Variants in MACF1 observed in about 807,000 individuals in gnomAD.
MACF1 encodes microtubule actin crosslinking factor 1.
In MACF1, 193 loss-of-function variants were observed where a neutral mutation model predicts 854.8. That is an observed-to-expected ratio of 0.23 (90% confidence interval 0.20 to 0.25). The LOEUF (loss-of-function observed/expected upper bound fraction) is 0.25. MACF1 is among the 10% of genes least tolerant of loss of function. The pLI, the probability that MACF1 is intolerant of heterozygous loss-of-function variation, is 1.00. For missense variants in MACF1, 7,722 were observed against 8,929.1 expected (o/e 0.86, Z 5.45); for synonymous variants, 3,185 against 3,226.7 (o/e 0.99, Z 0.44).
Position 39,105,756 on chromosome 1 carries a change from C to A in MACF1, c.220+21318C>A. 2 of 1,099,262 alleles carry A rather than the reference C, an allele frequency of 1.8e-6. No individual in the cohort carries two copies. 68.1% of individuals were successfully genotyped at this position (1,099,262 alleles called of 1,614,324 possible). A position where few individuals can be genotyped will look rare whatever the true frequency, so the allele number is the denominator to read the frequency against. ...CTGGCCGGCGCTGAGGCCCGCGGGC[C>A]GGCGCAGCGTGGCCTTCGGAGCCGG... On this transcript the variant is annotated intron_variant, in intron 2 of 93. Coordinates refer to the MACF1 transcript ENST00000361689. This position sits in a 1 kb window ranked among gnomAD's most constrained non-coding sequence, Gnocchi z 5.9.
At chr1:39,181,476 T>C (rs2148234186) in intron 2 of MACF1, among the ~76,000 whole-genome samples, 1 of 152,286 alleles carries the variant, frequency 6.6e-6, no homozygotes, top group South Asian at 2.1e-4. Flanking sequence ...TCTTCTTCTT[T>C]CTTCTCCTCC....
intron 18 of MACF1, among the ~76,000 whole-genome samples, chr1:39,293,906 A>T (rs1032421481): frequency 6.6e-6 from 1 of 152,088 alleles, no homozygotes; most frequent in African/African-American, 2.4e-5. Flanking sequence ...TGTGGTTAAG[A>T]TTATAGGCTT....
In MACF1 at chr1:39,357,509, G is replaced by A; in HGVS notation, c.11559G>A (p.Glu3853=). 3.1e-6 allele frequency: 5 copies of A among 1,614,170 alleles called. No individual in the cohort carries two copies. Among genetic ancestry groups the A allele is most frequent in the Non-Finnish European group, 4.2e-6 (5 of 1,180,030 alleles). The change falls in exon 45 of 101, where the codon GAG becomes GAA. Residue 3853 remains glutamate, a synonymous_variant. Coordinates refer to ENST00000564288, the MANE Select transcript of MACF1 (RefSeq NM_001394062.1). The part of the protein sequence containing the change: ...EQQMLQQKLG[E]LKEQYSTSLA... ...AGATGCTGCAACAGAAGCTGGGAGA[G>A]CTAAAGGAACAATACTCTACTTCCC...
Position 39,388,076 on chromosome 1 carries a change from A to G in MACF1, c.15234A>G (p.Glu5078=). Residue 5078 remains glutamate, a synonymous_variant, in exon 58 of 101, where the codon GAA becomes GAG. Transcript: ENST00000564288. The stretch of plus-strand genomic sequence containing the variant: ...GGAACTTTACTCAGGGTCTGGTAGA[A>G]GATGCCCCAGATGGATCTGATGCTT... The part of the protein sequence containing the change: ...YLRNFTQGLV[E]DAPDGSDASQ... 1 of 1,614,122 alleles carries G rather than the reference A, an allele frequency of 6.2e-7. No individual in the cohort carries two copies. Among genetic ancestry groups the G allele is most frequent in the Non-Finnish European group, 8.5e-7 (1 of 1,180,026 alleles).
At chr1:39,290,443 A>G (rs1645751424) in intron 15 of MACF1, among the ~76,000 whole-genome samples, 3 of 152,128 alleles carry the variant, frequency 2.0e-5, no homozygotes, top group African/African-American at 7.2e-5. Context: ...GCTCTGCAGT[A>G]TAATTTGAAG....
intron 2 of MACF1, among the ~76,000 whole-genome samples, chr1:39,148,383 CT>C (rs2148192901): frequency 6.6e-6 from 1 of 152,226 alleles, no homozygotes; most frequent in African/African-American, 2.4e-5. Context: ...CTCCCCTCCC[CT>C]TTTTACTTCA....
chr1:39,388,611 G>C lies in MACF1; in HGVS notation c.15769G>C (p.Val5257Leu), dbSNP rs372543301. The C allele has an allele frequency of 5.0e-5, 80 of 1,600,040 alleles. No individual in the cohort carries two copies. Among genetic ancestry groups the C allele is most frequent in the Middle Eastern group, 3.3e-4 (2 of 5,994 alleles). ...AEEAEALQWV[V>L]GTEVEIINQQ... ...GGAGGCAGAGGCCCTCCAGTGGGTAGTGGGGACCGAAGTGGAAATCATCAA... is the reference window on the plus strand; with the variant it reads ...GGAGGCAGAGGCCCTCCAGTGGGTACTGGGGACCGAAGTGGAAATCATCAA... The change falls in exon 58 of 101, where the codon GTG becomes CTG. Residue 5257 changes from valine to leucine, a missense_variant. By Grantham distance (32) the Val-to-Leu change is conservative (BLOSUM62 1). Around this residue, in one of 15 missense-constraint regions of MACF1, gnomAD observed 2,807 missense variants for 3,235.8 expected, o/e 0.87. Coordinates refer to ENST00000564288, the MANE Select transcript of MACF1 (RefSeq NM_001394062.1).
rs1290150169 is a variant in MACF1 at position 39,486,694 on chromosome 1, A to G, written c.*900A>G. ...TGAATTCCACGAGCCTGTTCTGAAAATGTGGACGTAAGACAAACACGTGCT... is the reference window on the plus strand; with the variant it reads ...TGAATTCCACGAGCCTGTTCTGAAAGTGTGGACGTAAGACAAACACGTGCT... On this transcript the variant is annotated 3_prime_UTR_variant, in exon 101 of 101. Coordinates refer to ENST00000564288, the MANE Select transcript of MACF1 (RefSeq NM_001394062.1). The G allele has an allele frequency of 6.6e-6, 1 of 152,638 alleles. No homozygotes were observed. Among genetic ancestry groups the G allele is most frequent in the African/African-American group, 2.4e-5 (1 of 41,458 alleles). The allele number at this position is 152,638 out of a possible 1,614,324, so 9.5% of individuals were successfully genotyped here. A position where few individuals can be genotyped will look rare whatever the true frequency, so the allele number is the denominator to read the frequency against.
chr1:39,166,192 C>T (rs1352717991), intron 2 of MACF1, among the ~76,000 whole-genome samples: 12 of 151,260 alleles, frequency 7.9e-5, no homozygotes, highest in Non-Finnish European at 1.3e-4. Flanking sequence ...GTCAGCCTCC[C>T]GAGTAGCTGG....
At chr1:39,087,122 AG>A (rs1265321629) in intron 2 of MACF1, among the ~76,000 whole-genome samples, 1 of 152,216 alleles carries the variant, frequency 6.6e-6, no homozygotes, top group Non-Finnish European at 1.5e-5. Context: ...CAGGAGGTGC[AG>A]GGGGGCATGT....
intron 2 of MACF1, among the ~76,000 whole-genome samples, chr1:39,109,012 G>T (rs748335995): frequency 6.6e-6 from 1 of 152,160 alleles, no homozygotes; most frequent in Non-Finnish European, 1.5e-5. Context: ...TGCACAGAGG[G>T]TTACAAGTGA....
chr1:39,332,023 G>A lies in MACF1; in HGVS notation c.5435G>A (p.Gly1812Asp), dbSNP rs1646736363. ...CTCATAAGGCAGCTTCAGACAGGAG[G>A]CATCATAGACACTGTCACGGGGCAA... ...AILIRQLQTG[G>D]IIDTVTGQRL... Residue 1812 changes from glycine to aspartate, a missense_variant, in exon 37 of 101, where the codon GGC becomes GAC. Coordinates refer to ENST00000564288, the MANE Select transcript of MACF1 (RefSeq NM_001394062.1). 1.9e-6 allele frequency: 3 copies of A among 1,613,878 alleles called. No homozygotes were observed. The highest frequency in any genetic ancestry group is 1.3e-5 in the African/African-American group (1 of 74,880).
At chr1:39,186,206 CTCTCTCTCTGTGTGTGTGTG>C (rs1438662854) in intron 2 of MACF1, among the ~76,000 whole-genome samples, 1 of 57,850 alleles carries the variant, frequency 1.7e-5, no homozygotes, top group African/African-American at 6.7e-5. Context: ...CTCTCTCTCT[CTCTCTCTCTGTGTGTGTGTG>C]TGTGTGTGTG....
intron 2 of MACF1, among the ~76,000 whole-genome samples, chr1:39,159,838 G>A (rs1380083598): frequency 6.6e-6 from 1 of 152,158 alleles, no homozygotes; most frequent in African/African-American, 2.4e-5. Flanking sequence ...GAGAGTGGGA[G>A]GGGGTAGAGG....
chr1:39,214,726 T>G (rs1293000401), intron 1 of MACF1, among the ~76,000 whole-genome samples: 1 of 152,160 alleles, frequency 6.6e-6, no homozygotes, highest in Non-Finnish European at 1.5e-5. Context: ...AGGGAAACTT[T>G]CTTTGGAATC....
chr1:39,294,524 G>C (rs1156972663), intron 18 of MACF1, among the ~76,000 whole-genome samples: 1 of 152,210 alleles, frequency 6.6e-6, no homozygotes, highest in Admixed American at 6.5e-5. Context: ...TAAACAGGCT[G>C]TGTGAGAACT....
intron 58 of MACF1, among the ~76,000 whole-genome samples, chr1:39,389,376 T>TG (rs57290627): frequency 1.4e-5 from 2 of 139,902 alleles, no homozygotes; most frequent in African/African-American, 2.9e-5. Flanking sequence ...TTTTTTTTTT[T>TG]GGAGACAGAG....
chr1:39,455,733 G>A (rs1345026240), intron 89 of MACF1, among the ~76,000 whole-genome samples: 2 of 152,086 alleles, frequency 1.3e-5, no homozygotes, highest in Non-Finnish European at 2.9e-5. Context: ...ATTATACCTG[G>A]TTCAGAAAGC....
In MACF1 at chr1:39,285,635, T is replaced by C; in HGVS notation, c.1385T>C (p.Val462Ala). The C allele has an allele frequency of 6.2e-7, 1 of 1,614,080 alleles. No homozygotes were observed. Among genetic ancestry groups the C allele is most frequent in the Non-Finnish European group, 8.5e-7 (1 of 1,180,008 alleles). The stretch of plus-strand genomic sequence containing the variant: ...GCTCACCTGGAATCAGGACAACCGG[T>C]ACAATGTGAGTCAGATGTCATTATG... ...DAAHLESGQP[V>A]QCESDVIMYI... The change falls in exon 14 of 101, where the codon GTA (valine) becomes GCA (alanine). Residue 462 changes from valine (V) to alanine (A), a missense_variant. By Grantham distance (64) the Val-to-Ala change is moderately conservative. Around this residue, in one of 15 missense-constraint regions of MACF1, gnomAD observed 1,137 missense variants for 1,263.0 expected, o/e 0.90. Transcript: ENST00000564288.
Sources: allele counts gnomAD v4.1 joint callset (sites outside exome capture counted in the v4.1 genomes callset), GRCh38; gene constraint gnomAD v4.1.1; regional missense constraint gnomAD v4.1.1; non-coding constraint Gnocchi (gnomAD v3.1); transcripts MANE v1.5; gene names NCBI Gene and HGNC (gene_info 2026-07-23, HGNC 2026-07-21).